Variants in RIC8B observed in about 807,000 individuals in gnomAD.
RIC8B encodes the protein RIC8 guanine nucleotide exchange factor B.
Under a neutral mutation model 57.5 loss-of-function variants are expected in RIC8B, and 16 were observed. The observed-to-expected ratio is 0.28, with a 90% CI of 0.19 to 0.42. The LOEUF is 0.42. RIC8B is among the 10% of genes least tolerant of loss of function. The probability of loss-of-function intolerance (pLI) is 1.00; values close to 1 mark genes in which losing one functional copy is unlikely to be tolerated. For missense variants in RIC8B, 481 were observed against 677.0 expected, an observed-to-expected ratio of 0.71 and a Z score of 3.21; for synonymous variants, 216 against 250.8, an observed-to-expected ratio of 0.86 and a Z score of 1.31.
intron 2 of RIC8B, among the ~76,000 whole-genome samples, chr12:106,788,193 C>T (rs1405500123): frequency 6.6e-6 from 1 of 152,224 alleles, no homozygotes; most frequent in Admixed American, 6.5e-5. Context: ...CCTTTGACTT[C>T]ATGTCTCACA....
chr12:106,851,671 T>C, intron 7 of RIC8B, 77 bp downstream of exon 7: 1 of 1,225,254 alleles, frequency 8.2e-7, no homozygotes, highest in Non-Finnish European at 1.2e-6. Flanking sequence ...GTGTTAGTAC[T>C]GGTCGTCTCA....
intron 2 of RIC8B, among the ~76,000 whole-genome samples, chr12:106,794,560 C>T (rs931141262): frequency 6.6e-6 from 1 of 151,958 alleles, no homozygotes; most frequent in Non-Finnish European, 1.5e-5. Context: ...CTCATCATTA[C>T]AAGGGAAGGT....
chr12:106,857,340 G>C (rs1297677803), intron 7 of RIC8B, among the ~76,000 whole-genome samples: 1 of 152,082 alleles, frequency 6.6e-6, no homozygotes, highest in Admixed American at 6.6e-5. Flanking sequence ...GGTAGAATCT[G>C]GTTCTTGACA....
chr12:106,858,846 C>T (rs1468966745), intron 7 of RIC8B, among the ~76,000 whole-genome samples: 5 of 152,028 alleles, frequency 3.3e-5, no homozygotes, highest in South Asian at 2.1e-4. Context: ...GAGAAGGACC[C>T]TCTAGTTCAG....
At chr12:106,830,470 A>G (rs941114700) in intron 4 of RIC8B, among the ~76,000 whole-genome samples, 8 of 152,328 alleles carry the variant, frequency 5.3e-5, no homozygotes, top group African/African-American at 1.7e-4. Flanking sequence ...GTAAATAGGT[A>G]GAGTTGTTTT....
At chr12:106,791,835 T>G (rs1203512222) in intron 2 of RIC8B, among the ~76,000 whole-genome samples, 5 of 152,208 alleles carry the variant, frequency 3.3e-5, no homozygotes, top group Non-Finnish European at 7.3e-5. Context: ...CCAAGGAATA[T>G]GTGCCAAAAT....
chr12:106,831,915 C>T (rs932391839), intron 4 of RIC8B, among the ~76,000 whole-genome samples: 11 of 152,180 alleles, frequency 7.2e-5, no homozygotes, highest in African/African-American at 2.7e-4. Flanking sequence ...CCACTTCCTC[C>T]CTTTGCCTCC....
intron 9 of RIC8B, among the ~76,000 whole-genome samples, chr12:106,882,024 C>A (rs751825942): frequency 6.6e-6 from 1 of 152,166 alleles, no homozygotes; most frequent in Non-Finnish European, 1.5e-5. Context: ...ATCTGCTGTT[C>A]TGTAACTCTT....
chr12:106,832,202 A>G (rs1324062131), intron 4 of RIC8B, among the ~76,000 whole-genome samples: 2 of 152,064 alleles, frequency 1.3e-5, no homozygotes, highest in East Asian at 1.9e-4. Context: ...TCTTGTCACT[A>G]TCTTATCATC....
intron 2 of RIC8B, among the ~76,000 whole-genome samples, chr12:106,806,116 A>G (rs2045005308): frequency 6.6e-6 from 1 of 152,032 alleles, no homozygotes; most frequent in South Asian, 2.1e-4. Flanking sequence ...TGCCCGGCTA[A>G]TTGTAATTTT....
At chr12:106,865,234 G>A (rs1950093808) in intron 8 of RIC8B, among the ~76,000 whole-genome samples, 1 of 152,094 alleles carries the variant, frequency 6.6e-6, no homozygotes, top group African/African-American at 2.4e-5. Flanking sequence ...CAGTGTACAA[G>A]GGTTCCCTTT....
At chr12:106,843,982 G>A in intron 6 of RIC8B, 35 bp downstream of exon 6, 3 of 1,335,842 alleles carry the variant, frequency 2.2e-6, no homozygotes, top group Non-Finnish European at 3.2e-6. Context: ...TGCAAAGTTA[G>A]TCTTTTTATG....
chr12:106,783,280 C>CA (rs1229227635), intron 1 of RIC8B, among the ~76,000 whole-genome samples: 1 of 152,158 alleles, frequency 6.6e-6, no homozygotes, highest in Non-Finnish European at 1.5e-5. Context: ...TTAACTGTCA[C>CA]AGTCTCTCTA....
chr12:106,850,696 C>T (rs576496494), intron 6 of RIC8B, among the ~76,000 whole-genome samples: 43 of 152,228 alleles, frequency 2.8e-4, no homozygotes, highest in African/African-American at 9.2e-4. Flanking sequence ...TCATCTATTA[C>T]AGCAACTAAT....
At chr12:106,863,016 G>A (rs1950001740) in intron 8 of RIC8B, among the ~76,000 whole-genome samples, 1 of 152,028 alleles carries the variant, frequency 6.6e-6, no homozygotes, top group East Asian at 1.9e-4. Flanking sequence ...TGTGTCAAAG[G>A]GAAACCAAAT....
At chr12:106,871,480 AAAAAAAAAAAAAAAAAAACC>A (rs1289171183) in intron 9 of RIC8B, 1 of 139,182 alleles carries the variant, frequency 7.2e-6, no homozygotes, top group Non-Finnish European at 1.5e-5. Context: ...CTAAAAAAAA[AAAAAAAAAAAAAAAAAAACC>A]AAAAAACTCC....
At chr12:106,809,085 G>A (rs945254729) in intron 2 of RIC8B, among the ~76,000 whole-genome samples, 22 of 152,108 alleles carry the variant, frequency 1.4e-4, no homozygotes, top group Non-Finnish European at 1.8e-4. Flanking sequence ...AAAGTGACAT[G>A]CTCAAAATCA....
intron 8 of RIC8B, 103 bp from the exon 9 acceptor site, chr12:106,870,720 G>T: frequency 1.2e-6 from 1 of 840,278 alleles, no homozygotes; most frequent in South Asian, 3.7e-5. Flanking sequence ...CCAATTTTTT[G>T]GCTATTATAC....
At chr12:106,790,408 C>G (rs772208495) in intron 2 of RIC8B, among the ~76,000 whole-genome samples, 1 of 152,160 alleles carries the variant, frequency 6.6e-6, no homozygotes, top group African/African-American at 2.4e-5. Context: ...TCAGATACAA[C>G]GGCTAATGTT....
Sources: allele counts gnomAD v4.1 joint callset (sites outside exome capture counted in the v4.1 genomes callset), GRCh38; gene constraint gnomAD v4.1.1; transcripts MANE v1.5; gene names NCBI Gene and HGNC (gene_info 2026-07-23, HGNC 2026-07-21).